Variants in ITPRIP observed in about 807,000 individuals in gnomAD.
ITPRIP encodes inositol 1,4,5-trisphosphate receptor-interacting protein.
Under a neutral mutation model 35.8 loss-of-function variants are expected in ITPRIP, and 32 were observed. The observed-to-expected ratio is 0.89, with a 90% confidence interval of 0.68 to 1.20. ITPRIP has a LOEUF of 1.20. ITPRIP is among the 50% of genes most tolerant of loss of function. The pLI, the probability that ITPRIP is intolerant of heterozygous loss-of-function variation, is 0.00. For missense variants in ITPRIP, 653 were observed against 735.6 expected, an observed-to-expected ratio of 0.89 and a Z score of 1.30; for synonymous variants, 358 against 324.0, an observed-to-expected ratio of 1.11 and a Z score of -1.13.
Position 104,313,611 on chromosome 10 carries a change from C to T in ITPRIP, c.*797G>A. 1.0e-6 allele frequency: 1 copy of T among 985,456 alleles called. No homozygotes were observed. Among genetic ancestry groups the T allele is most frequent in the Non-Finnish European group, 1.2e-6 (1 of 830,000 alleles). The allele number at this position is 985,456 out of a possible 1,614,324, so 61.0% of individuals were successfully genotyped here. A position where few individuals can be genotyped will look rare whatever the true frequency, so the allele number is the denominator to read the frequency against. On this transcript the variant is annotated 3_prime_UTR_variant, in exon 2 of 2. Coordinates refer to ENST00000337478, the MANE Select transcript of ITPRIP (RefSeq NM_001272013.2). ...GGAGAGAATAAAGAGAGGTGGGGGGCTGCTGAGCTGGCACCCAGTGTGGCA... is the reference window on the plus strand; with the variant it reads ...GGAGAGAATAAAGAGAGGTGGGGGGTTGCTGAGCTGGCACCCAGTGTGGCA...
chr10:104,313,625 C>T lies in ITPRIP; in HGVS notation c.*783G>A. Reference sequence around the variant, plus strand: ...GAGGTGGGGGGCTGCTGAGCTGGCACCCAGTGTGGCAAATACCCACCACGC... The same window carrying T: ...GAGGTGGGGGGCTGCTGAGCTGGCATCCAGTGTGGCAAATACCCACCACGC... On this transcript the variant is annotated 3_prime_UTR_variant, in exon 2 of 2. Coordinates refer to ENST00000337478, the MANE Select transcript of ITPRIP (RefSeq NM_001272013.2). 1.0e-6 allele frequency: 1 copy of T among 985,492 alleles called. No homozygotes were observed. The highest frequency in any genetic ancestry group is 1.2e-6 in the Non-Finnish European group (1 of 830,032). The allele number at this position is 985,492 out of a possible 1,614,324, so 61.0% of individuals were successfully genotyped here.
chr10:104,322,135 C>A (rs1381032282), intron 1 of ITPRIP, among the ~76,000 whole-genome samples: 3 of 152,168 alleles, frequency 2.0e-5, no homozygotes, highest in Non-Finnish European at 4.4e-5. Flanking sequence ...AAGGCCTCTC[C>A]CTGTCTGGAG....
rs1365929120 is a variant in ITPRIP at position 104,328,639 on chromosome 10, CCACTTTCCCCCTTT to C, written c.-14+9593_-14+9606del. 6.6e-6 allele frequency among the ~76,000 whole-genome samples: 1 copy of C among 152,068 alleles called. No individual in the cohort carries two copies. The highest frequency in any genetic ancestry group is 6.5e-5 in the Admixed American group (1 of 15,272). ...TCCCTTGGCCACTCCCCGCCCCCTT[CCACTTTCCCCCTTT>C]CACTGAGAAACTAGGATGGATGGAA... On this transcript the variant is annotated intron_variant, in intron 1 of 1. Coordinates refer to ENST00000337478, the MANE Select transcript of ITPRIP (RefSeq NM_001272013.2). The surrounding 1 kb of genome is among the most constrained non-coding windows in gnomAD (Gnocchi z 4.1).
intron 1 of ITPRIP, among the ~76,000 whole-genome samples, chr10:104,337,818 G>A (rs369805373): frequency 6.6e-6 from 1 of 152,164 alleles, no homozygotes; most frequent in East Asian, 1.9e-4. Context: ...AGGGGAAAAG[G>A]GGGCAGCAAA....
At chr10:104,337,954 C>A (rs1343272862) in intron 1 of ITPRIP, among the ~76,000 whole-genome samples, 1 of 152,192 alleles carries the variant, frequency 6.6e-6, no homozygotes, top group East Asian at 1.9e-4. Context: ...GCGCGCGCCT[C>A]GAGGAGGAGC....
At chr10:104,325,235 T>A (rs993697376) in intron 1 of ITPRIP, among the ~76,000 whole-genome samples, 1 of 151,804 alleles carries the variant, frequency 6.6e-6, no homozygotes, top group Non-Finnish European at 1.5e-5. Context: ...GAAAAGAAAA[T>A]GAAATAAAAT....
Position 104,328,697 on chromosome 10 carries a change from C to A in ITPRIP, c.-14+9549G>T, listed in dbSNP as rs755908112. Among the ~76,000 whole-genome samples, 1 of 151,990 alleles carries A rather than the reference C, an allele frequency of 6.6e-6. No homozygotes were observed. The highest frequency in any genetic ancestry group is 1.5e-5 in the Non-Finnish European group (1 of 67,996). Reference sequence around the variant, plus strand: ...GATGGAATTAAATAAAGGGCCAGCACCCAGCAGCCACCTTCTGTTTGACCC... The same window carrying A: ...GATGGAATTAAATAAAGGGCCAGCAACCAGCAGCCACCTTCTGTTTGACCC... On this transcript the variant is annotated intron_variant, in intron 1 of 1. Coordinates refer to ENST00000337478, the MANE Select transcript of ITPRIP (RefSeq NM_001272013.2). The surrounding 1 kb of genome is among the most constrained non-coding windows in gnomAD (Gnocchi z 4.1).
rs1402876055 is a variant in ITPRIP at position 104,315,205 on chromosome 10, T to C, written c.847A>G (p.Met283Val). The part of the protein sequence containing the change: ...RNSMAPPCGD[M>V]ENLLCATDSL... Reference sequence around the variant, plus strand: ...TCTGTGGCACACAGCAGGTTCTCCATGTCGCCGCAGGGAGGCGCCATGCTG... The same window carrying C: ...TCTGTGGCACACAGCAGGTTCTCCACGTCGCCGCAGGGAGGCGCCATGCTG... Residue 283 changes from methionine (M) to valine (V), a missense_variant, in exon 2 of 2, where the codon ATG becomes GTG. Coordinates refer to ENST00000337478, the MANE Select transcript of ITPRIP (RefSeq NM_001272013.2). This position sits in a 1 kb window ranked among gnomAD's most constrained non-coding sequence, Gnocchi z 5.7. 6 of 1,613,958 alleles carry C rather than the reference T, an allele frequency of 3.7e-6. No individual in the cohort carries two copies. The highest frequency in any genetic ancestry group is 2.2e-5 in the East Asian group (1 of 44,870).
At position 104,314,374 on chromosome 10, in the gene ITPRIP, C is replaced by A. The variant is rs778438843; in HGVS notation, c.*34G>T. 1.3e-6 allele frequency: 2 copies of A among 1,575,364 alleles called. No homozygotes were observed. The highest frequency in any genetic ancestry group is 1.7e-6 in the Non-Finnish European group (2 of 1,158,396). ...GTGTGAACGTGAGGGATGCCCTCATCTTAGCTCGAGGATCCCACATTCTGT... is the reference window on the plus strand; with the variant it reads ...GTGTGAACGTGAGGGATGCCCTCATATTAGCTCGAGGATCCCACATTCTGT... On this transcript the variant is annotated 3_prime_UTR_variant, in exon 2 of 2. Transcript: ENST00000337478.
chr10:104,323,332 A>C (rs1026177540), intron 1 of ITPRIP: 5 of 151,998 alleles, frequency 3.3e-5, no homozygotes, highest in African/African-American at 1.2e-4. Context: ...TTGCATTAAA[A>C]CTCTCTTACA....
intron 1 of ITPRIP, among the ~76,000 whole-genome samples, chr10:104,334,406 A>C (rs1278996003): frequency 6.6e-6 from 1 of 152,204 alleles, no homozygotes; most frequent in Non-Finnish European, 1.5e-5. Flanking sequence ...CATCCAGGTT[A>C]CCGGATCATC....
Position 104,315,181 on chromosome 10 carries a change from C to T in ITPRIP, c.871G>A (p.Asp291Asn). 1 of 1,614,174 alleles carries T rather than the reference C, an allele frequency of 6.2e-7. No individual in the cohort carries two copies. Among genetic ancestry groups the T allele is most frequent in the Non-Finnish European group, 8.5e-7 (1 of 1,180,008 alleles). Residue 291 changes from aspartate to asparagine, a missense_variant, in exon 2 of 2, where the codon GAT (aspartate) becomes AAT (asparagine). By Grantham distance (23) the Asp-to-Asn change is conservative (BLOSUM62 1). Transcript: ENST00000337478. The surrounding 1 kb of genome is among the most constrained non-coding windows in gnomAD (Gnocchi z 5.7). Reference sequence around the variant, plus strand: ...TGCATCGTGTCCAGGTACAGGGAATCTGTGGCACACAGCAGGTTCTCCATG... The same window carrying T: ...TGCATCGTGTCCAGGTACAGGGAATTTGTGGCACACAGCAGGTTCTCCATG... ...GDMENLLCAT[D>N]SLYLDTMQVM...
intron 1 of ITPRIP, among the ~76,000 whole-genome samples, chr10:104,334,657 A>G (rs998620218): frequency 5.9e-5 from 9 of 152,354 alleles, no homozygotes; most frequent in African/African-American, 2.2e-4. Context: ...GGAGATGCCC[A>G]TAGCCAGGCT....
rs2013642880 is a variant in ITPRIP at position 104,315,481 on chromosome 10, T to C, written c.571A>G (p.Ile191Val). 1.2e-6 allele frequency: 2 copies of C among 1,613,962 alleles called. No individual in the cohort carries two copies. Among genetic ancestry groups the C allele is most frequent in the African/African-American group, 2.7e-5 (2 of 74,926 alleles). The change falls in exon 2 of 2, where the codon ATT (isoleucine) becomes GTT (valine). Residue 191 changes from isoleucine to valine, a missense_variant. Coordinates refer to ENST00000337478, the MANE Select transcript of ITPRIP (RefSeq NM_001272013.2). This position sits in a 1 kb window ranked among gnomAD's most constrained non-coding sequence, Gnocchi z 5.7. Reference protein sequence around the residue: ...RDTDMEVEDFIGVDSMYENWQ... With the variant: ...RDTDMEVEDFVGVDSMYENWQ... Reference sequence around the variant, plus strand: ...TTCTCGTACATGCTGTCCACGCCAATGAAGTCCTCCACCTCCATGTCGGTG... The same window carrying C: ...TTCTCGTACATGCTGTCCACGCCAACGAAGTCCTCCACCTCCATGTCGGTG...
intron 1 of ITPRIP, among the ~76,000 whole-genome samples, chr10:104,335,456 C>G (rs2014217123): frequency 1.3e-5 from 2 of 152,172 alleles, no homozygotes; most frequent in African/African-American, 2.4e-5. Flanking sequence ...CGCCGTTTCC[C>G]TCTGAGCCAC....
Position 104,326,466 on chromosome 10 carries a change from C to T in ITPRIP, c.-13-10402G>A, listed in dbSNP as rs1476050098. The T allele has an allele frequency of 1.3e-5, 2 of 152,270 alleles. No individual in the cohort carries two copies. The highest frequency in any genetic ancestry group is 2.9e-5 in the Non-Finnish European group (2 of 68,088). The allele number at this position is 152,270 out of a possible 1,614,324, so 9.4% of individuals were successfully genotyped here. A position where few individuals can be genotyped will look rare whatever the true frequency, so the allele number is the denominator to read the frequency against. On this transcript the variant is annotated intron_variant, in intron 1 of 1. Coordinates refer to ENST00000337478, the MANE Select transcript of ITPRIP (RefSeq NM_001272013.2). This position sits in a 1 kb window ranked among gnomAD's most constrained non-coding sequence, Gnocchi z 4.8. Reference sequence around the variant, plus strand: ...CATCTTGGGACAGACAGACAAACGCCTGATCTCTATGGCTGGGTTGTGGAG... The same window carrying T: ...CATCTTGGGACAGACAGACAAACGCTTGATCTCTATGGCTGGGTTGTGGAG...
rs1438776899 is a variant in ITPRIP, at chr10:104,314,760, T to C, written c.1292A>G (p.Tyr431Cys). 4.3e-6 allele frequency: 7 copies of C among 1,613,922 alleles called. No individual in the cohort carries two copies. The South Asian group carries it at 7.7e-5, about 18-fold the overall frequency. The stretch of plus-strand genomic sequence containing the variant: ...GTGCAGTAGGGCCGTCTTCAGGTGG[T>C]AGCTGCTGAGCCCGCTGGGACCGGT... Reference protein sequence around the residue: ...RLTGPSGLSSYHLKTALLHLL... With the variant: ...RLTGPSGLSSCHLKTALLHLL... Residue 431 changes from tyrosine (Y) to cysteine (C), a missense_variant, in exon 2 of 2, where the codon TAC (tyrosine) becomes TGC (cysteine). Transcript: ENST00000337478.
intron 1 of ITPRIP, among the ~76,000 whole-genome samples, chr10:104,323,156 C>T (rs112163994): frequency 0.012 from 1,888 of 152,228 alleles, 38 homozygotes; most frequent in African/African-American, 0.042. Context: ...TGGACCCTCC[C>T]AGGGAGCACC....
rs537687981 is a variant in ITPRIP at position 104,322,360 on chromosome 10, T to C, written c.-13-6296A>G. Among the ~76,000 whole-genome samples, 212 of 152,312 alleles carry C rather than the reference T, an allele frequency of 1.4e-3. 1 individual carries two copies. The highest frequency in any genetic ancestry group is 4.9e-3 in the African/African-American group (203 of 41,562). The stretch of plus-strand genomic sequence containing the variant: ...TGACCACAGCCTTAAGCAGCAGGGG[T>C]GCCCAGGACCCATTTCTTGGCCACC... On this transcript the variant is annotated intron_variant, in intron 1 of 1. Coordinates refer to ENST00000337478, the MANE Select transcript of ITPRIP (RefSeq NM_001272013.2).
Sources: gnomAD v4.1 joint callset for allele counts (sites outside exome capture counted in the v4.1 genomes callset) on GRCh38, gnomAD v4.1.1 for gene constraint, Gnocchi (gnomAD v3.1) non-coding constraint, MANE v1.5 for transcripts, NCBI Gene and HGNC (gene_info 2026-07-23, HGNC 2026-07-21) for gene names.